ADAMTS6: variants seen among roughly 807,000 people sequenced by gnomAD.
ADAMTS6 encodes the protein A disintegrin and metalloproteinase with thrombospondin motifs 6.
ADAMTS6 carries 23 observed loss-of-function variants against 144.3 expected under a neutral mutation model. That is an observed-to-expected ratio of 0.16 (90% CI 0.11 to 0.23). The LOEUF (loss-of-function observed/expected upper bound fraction) is 0.23, where lower values mean the gene tolerates loss of function less well. Among genes scored for constraint, ADAMTS6 ranks in the 10% least tolerant of loss-of-function variants. ADAMTS6 has a pLI of 1.00. For missense variants in ADAMTS6, 999 were observed against 1,379.6 expected (o/e 0.72, Z 4.37); for synonymous variants, 444 against 457.5 (o/e 0.97, Z 0.38).
chr5:65,273,754 CTA>C (rs1762236971), intron 11 of ADAMTS6, among the ~76,000 whole-genome samples: 1 of 151,844 alleles, frequency 6.6e-6, no homozygotes, highest in Admixed American at 6.6e-5. Flanking sequence ...AAAAAAATGA[CTA>C]TGTAGAAAGG....
intron 12 of ADAMTS6, among the ~76,000 whole-genome samples, chr5:65,267,239 C>T (rs1020547067): frequency 1.3e-5 from 2 of 151,982 alleles, no homozygotes; most frequent in Admixed American, 6.6e-5. Flanking sequence ...AAACAAGTTT[C>T]TAATCTTTAT....
chr5:65,184,985 C>T lies in ADAMTS6; in HGVS notation c.2910+3031G>A, dbSNP rs376376435. On this transcript the variant is annotated intron_variant, in intron 22 of 24. Transcript: ENST00000381055. ...ACCCTTGTGATTAGCAGAGCTCAGA[C>T]AGCTGAGAGTTGGAAGTGGGGAGGG... is the stretch of plus-strand genomic sequence containing the variant. Among the ~76,000 whole-genome samples the T allele has an allele frequency of 4.1e-4, 63 of 152,256 alleles. No homozygotes were observed. The South Asian group carries it at 6.6e-3, about 16-fold the overall frequency.
rs1047498652 is a variant in ADAMTS6, at chr5:65,481,900, T to C, written c.-837A>G. 6.6e-6 allele frequency: 1 copy of C among 152,518 alleles called. No individual in the cohort carries two copies. The highest frequency in any genetic ancestry group is 1.5e-5 in the Non-Finnish European group (1 of 68,342). The allele number at this position is 152,518 out of a possible 1,614,324, so 9.4% of individuals were successfully genotyped here. ...AGCAGGAGAAAATTTTGGCAGCTTT[T>C]CCTCGGAGGCAGAGCACACTGACGT... On this transcript the variant is annotated 5_prime_UTR_variant, in exon 1 of 25. Coordinates refer to ENST00000381055, the MANE Select transcript of ADAMTS6 (RefSeq NM_197941.4).
At chr5:65,356,034 A>G (rs907349824) in intron 7 of ADAMTS6, among the ~76,000 whole-genome samples, 1 of 151,844 alleles carries the variant, frequency 6.6e-6, no homozygotes, top group Admixed American at 6.6e-5. Flanking sequence ...TAATGCTAAG[A>G]AACAATTCAT....
chr5:65,152,023 G>T, intron 24 of ADAMTS6, 78 bp from the exon 25 acceptor site: 1 of 1,267,538 alleles, frequency 7.9e-7, no homozygotes, highest in Non-Finnish European at 1.1e-6. Flanking sequence ...GGGCCTGCAT[G>T]TTCAGCAAGG....
At chr5:65,370,416 G>A (rs1448079343) in intron 7 of ADAMTS6, among the ~76,000 whole-genome samples, 7 of 152,118 alleles carry the variant, frequency 4.6e-5, no homozygotes, top group Admixed American at 6.5e-5. Flanking sequence ...CAGTGGGTGC[G>A]CGCACCATGC....
intron 7 of ADAMTS6, among the ~76,000 whole-genome samples, chr5:65,444,974 T>C (rs1002914231): frequency 6.6e-6 from 1 of 152,232 alleles, no homozygotes; most frequent in African/African-American, 2.4e-5. Flanking sequence ...TTTAAATGAT[T>C]GAGTGTCTGT....
intron 7 of ADAMTS6, among the ~76,000 whole-genome samples, chr5:65,440,063 G>A (rs60347625): frequency 0.037 from 5,590 of 151,996 alleles, 370 homozygotes; most frequent in African/African-American, 0.13. Context: ...ATGCCTCGGC[G>A]TCCCAAAGTG....
At chr5:65,178,062 A>T (rs1754092302) in intron 22 of ADAMTS6, among the ~76,000 whole-genome samples, 2 of 152,194 alleles carry the variant, frequency 1.3e-5, no homozygotes, top group African/African-American at 4.8e-5. Context: ...ACCTGAAGGG[A>T]TGCAGTGAGC....
chr5:65,479,922 C>T (rs192719695), intron 1 of ADAMTS6, among the ~76,000 whole-genome samples: 24 of 152,300 alleles, frequency 1.6e-4, no homozygotes, highest in African/African-American at 4.8e-4. Flanking sequence ...TTGAAATCAA[C>T]GTATTTGCCT....
At chr5:65,375,051 A>C (rs934953662) in intron 7 of ADAMTS6, among the ~76,000 whole-genome samples, 1 of 152,244 alleles carries the variant, frequency 6.6e-6, no homozygotes, top group African/African-American at 2.4e-5. Context: ...AAAACTGGCT[A>C]GCCATATGTA....
chr5:65,399,068 C>T (rs915426915), intron 7 of ADAMTS6, among the ~76,000 whole-genome samples: 1 of 152,050 alleles, frequency 6.6e-6, no homozygotes, highest in Non-Finnish European at 1.5e-5. Context: ...ATCAGCCTGG[C>T]CAACATGGTG....
At chr5:65,325,115 G>C in intron 9 of ADAMTS6, among the ~76,000 whole-genome samples, 1 of 152,214 alleles carries the variant, frequency 6.6e-6, no homozygotes, top group East Asian at 1.9e-4. Flanking sequence ...GTAAAAAGGA[G>C]ATCCATGGTT....
In ADAMTS6 at chr5:65,170,713, C is replaced by T. The variant is rs537343964; in HGVS notation, c.3148G>A (p.Gly1050Arg). ...TCTAGACAGTCACTAGATGCCTGTC[C>T]GGTGTAGGAGAGACACTGCACAGTT... Reference protein sequence around the residue: ...MRTVQCLSYTGQASSDCLETV... With the variant: ...MRTVQCLSYTRQASSDCLETV... Residue 1050 changes from glycine to arginine, a missense_variant, in exon 24 of 25, where the codon GGA becomes AGA. By Grantham distance (125) the Gly-to-Arg change is moderately radical. Transcript: ENST00000381055. 2.1e-5 allele frequency: 34 copies of T among 1,614,086 alleles called. No individual in the cohort carries two copies. Among genetic ancestry groups the T allele is most frequent in the Admixed American group, 6.7e-5 (4 of 60,006 alleles).
At chr5:65,446,769 G>T (rs1489431919) in intron 7 of ADAMTS6, among the ~76,000 whole-genome samples, 2 of 152,182 alleles carry the variant, frequency 1.3e-5, no homozygotes, top group African/African-American at 4.8e-5. Flanking sequence ...TATATAGACA[G>T]AAAGTAGATT....
At chr5:65,169,777 A>C (rs1359741997) in intron 24 of ADAMTS6, among the ~76,000 whole-genome samples, 1 of 151,482 alleles carries the variant, frequency 6.6e-6, no homozygotes, top group Non-Finnish European at 1.5e-5. Context: ...TCAGTAAACT[A>C]TCGCAAGATC....
chr5:65,356,387 T>C (rs1749326215), intron 7 of ADAMTS6, among the ~76,000 whole-genome samples: 1 of 151,884 alleles, frequency 6.6e-6, no homozygotes, highest in Non-Finnish European at 1.5e-5. Flanking sequence ...AACTCCATCC[T>C]GGTTCTGGTT....
chr5:65,439,031 T>C (rs1230089393), intron 7 of ADAMTS6, among the ~76,000 whole-genome samples: 2 of 152,172 alleles, frequency 1.3e-5, no homozygotes, highest in African/African-American at 4.8e-5. Context: ...GGCAGTCTTC[T>C]GATTTGAGGA....
intron 7 of ADAMTS6, among the ~76,000 whole-genome samples, chr5:65,386,740 A>G (rs1752504660): frequency 6.6e-6 from 1 of 152,070 alleles, no homozygotes; most frequent in African/African-American, 2.4e-5. Flanking sequence ...GGTGCCCACC[A>G]CCACACCCAC....
Sources: gnomAD v4.1 joint callset for allele counts (sites outside exome capture counted in the v4.1 genomes callset) on GRCh38, gnomAD v4.1.1 for gene constraint, MANE v1.5 for transcripts, NCBI Gene and HGNC (gene_info 2026-07-23, HGNC 2026-07-21) for gene names.